Variants in SLC5A12 observed in about 807,000 individuals in gnomAD.
SLC5A12 encodes the protein solute carrier family 5 member 12.
A neutral mutation model predicts 72.7 loss-of-function variants in SLC5A12; 46 were observed. That is an observed-to-expected ratio of 0.63 (90% CI 0.50 to 0.81). The LOEUF is 0.81. SLC5A12 is among the 30% of genes least tolerant of loss of function. SLC5A12 has a pLI of 0.00. For missense variants in SLC5A12, 683 were observed against 740.7 expected (o/e 0.92, Z 0.90); for synonymous variants, 275 against 264.4 (o/e 1.04, Z -0.39).
rs892595860 is a variant in SLC5A12 at position 26,670,863 on chromosome 11, G to A, written c.*239C>T. On this transcript the variant is annotated 3_prime_UTR_variant, in exon 15 of 15. Transcript: ENST00000396005. ...CCCTAATTTATTCAAGAAGGAAGTA[G>A]TCAAGGGCATTTGGAGCAGGTTGGT... 6 of 349,248 alleles carry A rather than the reference G, an allele frequency of 1.7e-5. No homozygotes were observed. Among genetic ancestry groups the A allele is most frequent in the Non-Finnish European group, 3.1e-5 (6 of 195,486 alleles). The allele number at this position is 349,248 out of a possible 1,614,324, so 21.6% of individuals were successfully genotyped here.
Position 26,673,859 on chromosome 11 carries a change from TA to T in SLC5A12, c.1580-331del, listed in dbSNP as rs1441187913. On this transcript the variant is annotated intron_variant, in intron 13 of 14. Coordinates refer to ENST00000396005, the MANE Select transcript of SLC5A12 (RefSeq NM_178498.4). ...GCAGTAATTATGCAATTTCTTCCTT[TA>T]AAAAAGCTCTTGACTTTTTATCCAA... Among the ~76,000 whole-genome samples, 33 of 152,290 alleles carry T rather than the reference TA, an allele frequency of 2.2e-4. 1 individual carries two copies. The highest frequency in any genetic ancestry group is 2.2e-3 in the Admixed American group (33 of 15,288).
intron 12 of SLC5A12, 90 bp from the exon 13 acceptor site, chr11:26,678,905 G>T: frequency 2.8e-6 from 2 of 711,674 alleles, no homozygotes; most frequent in Non-Finnish European, 4.5e-6. Context: ...TTAGGGCCTG[G>T]CATCTCAAAA....
At chr11:26,723,144 T>A (rs532040689), upstream of SLC5A12, among the ~76,000 whole-genome samples, 16 of 152,104 alleles carry the variant, frequency 1.1e-4, no homozygotes, top group South Asian at 3.3e-3. Flanking sequence ...ACTAAAATTA[T>A]CCATAATGCC....
At chr11:26,713,178 A>C (rs560436317) in intron 1 of SLC5A12, among the ~76,000 whole-genome samples, 1 of 152,146 alleles carries the variant, frequency 6.6e-6, no homozygotes, top group Non-Finnish European at 1.5e-5. Context: ...AGCTCTGATC[A>C]TGCTGCTCTT....
At chr11:26,682,196 G>A (rs1160419036) in intron 11 of SLC5A12, among the ~76,000 whole-genome samples, 2 of 151,972 alleles carry the variant, frequency 1.3e-5, no homozygotes, top group Non-Finnish European at 2.9e-5. Flanking sequence ...TATGGGCACT[G>A]AAATTGGAAT....
chr11:26,682,111 C>T (rs1854422725), intron 11 of SLC5A12, among the ~76,000 whole-genome samples: 1 of 151,646 alleles, frequency 6.6e-6, no homozygotes, highest in South Asian at 2.1e-4. Flanking sequence ...CAACTCAGTT[C>T]TCTTATGGCA....
Position 26,686,457 on chromosome 11 carries a change from T to A in SLC5A12, c.1221+20A>T. On this transcript the variant is annotated intron_variant, in intron 10 of 14. Transcript: ENST00000396005. ...GGAAGTTCCAGTGAAACCAAATGTGTCTTTTCCTTCTTTCGTTACCTGCAC... is the reference window on the plus strand; with the variant it reads ...GGAAGTTCCAGTGAAACCAAATGTGACTTTTCCTTCTTTCGTTACCTGCAC... The A allele has an allele frequency of 6.2e-7, 1 of 1,612,910 alleles. No individual in the cohort carries two copies. Among genetic ancestry groups the A allele is most frequent in the Non-Finnish European group, 8.5e-7 (1 of 1,179,034 alleles).
chr11:26,704,031 A>T, intron 4 of SLC5A12, 84 bp from the exon 5 acceptor site: 2 of 1,433,040 alleles, frequency 1.4e-6, no homozygotes, highest in South Asian at 2.5e-5. Context: ...TAATGCATGC[A>T]TGCATTCTTT....
Position 26,671,063 on chromosome 11 carries a change from G to GTGTGTGTGTGTGTGTA in SLC5A12, c.*38_*39insTACACACACACACACA. On this transcript the variant is annotated 3_prime_UTR_variant, in exon 15 of 15. Transcript: ENST00000396005. ...ATGTGGAGTTTGTGTGTGTGTGTGT[G>GTGTGTGTGTGTGTGTA]TATTGCACGTGTGTGTGTGCATTCA... The GTGTGTGTGTGTGTGTA allele has an allele frequency of 6.5e-7, 1 of 1,548,650 alleles. No individual in the cohort carries two copies. Among genetic ancestry groups the GTGTGTGTGTGTGTGTA allele is most frequent in the Non-Finnish European group, 8.8e-7 (1 of 1,134,264 alleles).
chr11:26,691,082 A>G, intron 9 of SLC5A12, among the ~76,000 whole-genome samples: 1 of 152,112 alleles, frequency 6.6e-6, no homozygotes, highest in East Asian at 1.9e-4. Context: ...TCTTTATATA[A>G]AGAGATTTTA....
At chr11:26,716,231 A>G (rs1464375560) in intron 1 of SLC5A12, 1 of 152,218 alleles carries the variant, frequency 6.6e-6, no homozygotes, top group Non-Finnish European at 1.5e-5. Flanking sequence ...ACCCAGTAAA[A>G]TTACAAAGAC....
intron 9 of SLC5A12, among the ~76,000 whole-genome samples, chr11:26,688,035 G>C (rs1854579242): frequency 6.6e-6 from 1 of 152,178 alleles, no homozygotes; most frequent in African/African-American, 2.4e-5. Context: ...CTGTTCAAAT[G>C]AGATTCTAGG....
intron 4 of SLC5A12, 159 bp downstream of exon 4, chr11:26,709,152 AC>A (rs1327728019): frequency 1.0e-5 from 5 of 500,660 alleles, no homozygotes; most frequent in Non-Finnish European, 1.8e-5. Context: ...ATGTTAAACA[AC>A]AGCACCTTCC....
intron 11 of SLC5A12, among the ~76,000 whole-genome samples, chr11:26,681,985 G>A (rs372481147): frequency 6.6e-6 from 1 of 151,960 alleles, no homozygotes; most frequent in Admixed American, 6.6e-5. Flanking sequence ...AATTTAATCA[G>A]TGTGTGTGAT....
Position 26,711,858 on chromosome 11 carries a change from T to C in SLC5A12, c.406-500A>G, listed in dbSNP as rs139758589. Among the ~76,000 whole-genome samples, 236 of 152,220 alleles carry C rather than the reference T, an allele frequency of 1.6e-3. 7 individuals are homozygous for C. In the East Asian group the frequency reaches 0.03, roughly 19 times the overall value. On this transcript the variant is annotated intron_variant, in intron 2 of 14. Coordinates refer to ENST00000396005, the MANE Select transcript of SLC5A12 (RefSeq NM_178498.4). ...ACATGGTTGATCTCCATAATGAATA[T>C]GTCTTCTAATTCCCAGAAGTGCAAC...
At chr11:26,697,338 G>C in intron 7 of SLC5A12, 86 bp from the exon 8 acceptor site, 1 of 1,177,098 alleles carries the variant, frequency 8.5e-7, no homozygotes, top group Non-Finnish European at 1.2e-6. Flanking sequence ...AATAGGATTA[G>C]TGGTCTTCTC....
intron 9 of SLC5A12, among the ~76,000 whole-genome samples, chr11:26,687,502 G>A (rs1323561815): frequency 6.6e-6 from 1 of 152,158 alleles, no homozygotes; most frequent in African/African-American, 2.4e-5. Flanking sequence ...TGCACCAGAT[G>A]CCAGTGCCAT....
intron 8 of SLC5A12, among the ~76,000 whole-genome samples, chr11:26,694,907 T>G (rs1405953263): frequency 6.6e-6 from 1 of 152,040 alleles, no homozygotes; most frequent in Non-Finnish European, 1.5e-5. Flanking sequence ...TATTAAATTG[T>G]GAAACCAAAC....
intron 4 of SLC5A12, among the ~76,000 whole-genome samples, chr11:26,704,422 G>T (rs903377331): frequency 6.6e-6 from 1 of 152,178 alleles, no homozygotes; most frequent in African/African-American, 2.4e-5. Context: ...TTGGTCAAAG[G>T]TGTGAAACAC....
Sources: allele counts gnomAD v4.1 joint callset (sites outside exome capture counted in the v4.1 genomes callset), GRCh38; gene constraint gnomAD v4.1.1; transcripts MANE v1.5; gene names NCBI Gene and HGNC (gene_info 2026-07-23, HGNC 2026-07-21).